Variants in TRRAP observed in about 807,000 individuals in gnomAD.
TRRAP encodes transformation/transcription domain-associated protein.
A neutral mutation model predicts 438.8 loss-of-function variants in TRRAP; 41 were observed. The ratio of observed to expected loss-of-function variants is 0.09; its 90% CI spans 0.07 to 0.12. The LOEUF is 0.12. Among genes scored for constraint, TRRAP ranks in the 10% least tolerant of loss-of-function variants. The probability of loss-of-function intolerance (pLI) is 1.00; values close to 1 mark genes in which losing one functional copy is unlikely to be tolerated. For missense variants in TRRAP, 3,122 were observed against 5,055.1 expected, an observed-to-expected ratio of 0.62 and a Z score of 11.60; for synonymous variants, 1,994 against 1,962.9, an observed-to-expected ratio of 1.02 and a Z score of -0.42.
chr7:99,005,142 G>A lies in TRRAP; in HGVS notation c.10547G>A (p.Arg3516Gln), dbSNP rs758671894. 8.1e-6 allele frequency: 13 copies of A among 1,613,478 alleles called. No individual in the cohort carries two copies. The highest frequency in any genetic ancestry group is 1.1e-5 in the South Asian group (1 of 91,068). The change falls in exon 69 of 73, where the codon CGG (arginine) becomes CAG (glutamine). Residue 3516 changes from arginine (R) to glutamine (Q), a missense_variant. By Grantham distance (43) the Arg-to-Gln change is conservative. Around this residue, in one of 24 missense-constraint regions of TRRAP, gnomAD observed 95 missense variants for 144.1 expected, o/e 0.66. Coordinates refer to ENST00000456197, the MANE Select transcript of TRRAP (RefSeq NM_001375524.1). The surrounding 1 kb of genome is among the most constrained non-coding windows in gnomAD (Gnocchi z 5.1). Reference protein sequence around the residue: ...YYIKIARFMPRVEIVQKHNTA... With the variant: ...YYIKIARFMPQVEIVQKHNTA... Reference sequence around the variant, plus strand: ...TCTCGCTCTGGCAGGTTCATGCCCCGGGTAGAGATTGTGCAGAAGCACAAC... The same window carrying A: ...TCTCGCTCTGGCAGGTTCATGCCCCAGGTAGAGATTGTGCAGAAGCACAAC...
chr7:98,923,007 C>T (rs1336540060), intron 21 of TRRAP, among the ~76,000 whole-genome samples: 4 of 152,112 alleles, frequency 2.6e-5, no homozygotes, highest in African/African-American at 7.2e-5. Flanking sequence ...GCCTGTCCCC[C>T]GCAACTTCCT....
In TRRAP at chr7:98,903,423, C is replaced by T. The variant is rs142775877; in HGVS notation, c.942C>T (p.Leu314=). Residue 314 remains leucine (L), a synonymous_variant, in exon 12 of 73, where the codon CTC becomes CTT. Coordinates refer to ENST00000456197, the MANE Select transcript of TRRAP (RefSeq NM_001375524.1). ...CTCAGCAGATGGTGAAAGGAATGCT[C>T]CAGTTACTTTCAAATTGTCCAGCAG... ...KYSQQMVKGM[L]QLLSNCPAET... 4 of 1,614,052 alleles carry T rather than the reference C, an allele frequency of 2.5e-6. No individual in the cohort carries two copies. Among genetic ancestry groups the T allele is most frequent in the East Asian group, 2.2e-5 (1 of 44,900 alleles).
rs202055249 is a variant in TRRAP at position 98,967,610 on chromosome 7, G to T, written c.7424G>T (p.Arg2475Leu). Residue 2475 changes from arginine to leucine, a missense_variant, in exon 51 of 73, where the codon CGT (arginine) becomes CTT (leucine). Physicochemically the swap from Arg to Leu is moderately radical, Grantham distance 102. Transcript: ENST00000456197. ...GAGGTTTTTGACAACTCCATGAAAC[G>T]TCGTGTCTACGAGCGCTTGCTCTAT... ...FFEVFDNSMKRRVYERLLYVT... is the reference protein window; with the variant it reads ...FFEVFDNSMKLRVYERLLYVT... The T allele has an allele frequency of 6.2e-7, 1 of 1,613,966 alleles. No individual in the cohort carries two copies. Among genetic ancestry groups the T allele is most frequent in the Non-Finnish European group, 8.5e-7 (1 of 1,180,040 alleles).
chr7:98,902,922 AAAAAG>A (rs1465178817), intron 11 of TRRAP, among the ~76,000 whole-genome samples: 2 of 151,652 alleles, frequency 1.3e-5, no homozygotes, highest in African/African-American at 4.8e-5. Flanking sequence ...AAAAAAAAAA[AAAAAG>A]AAAATTAGGC....
At chr7:99,001,218 TC>T (rs947746050) in intron 67 of TRRAP, among the ~76,000 whole-genome samples, 1 of 152,216 alleles carries the variant, frequency 6.6e-6, no homozygotes, top group Non-Finnish European at 1.5e-5. Flanking sequence ...AGCTCCCTGT[TC>T]GTGATGTGTG....
At chr7:99,008,657 C>T in intron 70 of TRRAP, 96 bp downstream of exon 70, 1 of 1,359,556 alleles carries the variant, frequency 7.4e-7, no homozygotes. Context: ...GATGAACAGG[C>T]ATTTGTTGGG....
In TRRAP at chr7:99,011,555, T is replaced by C. The variant is rs1482133182; in HGVS notation, c.11337+20T>C. 4.4e-6 allele frequency: 7 copies of C among 1,608,052 alleles called. No individual in the cohort carries two copies. Among genetic ancestry groups the C allele is most frequent in the Non-Finnish European group, 5.9e-6 (7 of 1,177,234 alleles). ...TTTAAGGTGGGTCTCCACGTCGTCC[T>C]ATCACAGGCGCAGGCTAGAGCCACT... On this transcript the variant is annotated intron_variant, in intron 72 of 72. Transcript: ENST00000456197. The surrounding 1 kb of genome is among the most constrained non-coding windows in gnomAD (Gnocchi z 7.1).
At position 98,984,217 on chromosome 7, in the gene TRRAP, G is replaced by A. The variant is rs759925825; in HGVS notation, c.9147G>A (p.Leu3049=). Residue 3049 remains leucine, a synonymous_variant, in exon 61 of 73, where the codon CTG becomes CTA. Coordinates refer to ENST00000456197, the MANE Select transcript of TRRAP (RefSeq NM_001375524.1). Reference sequence around the variant, plus strand: ...GAAAAATCGCCCGGAAACAAGGACTGGTCAATGTAGCTCTGGATATATTAA... The same window carrying A: ...GAAAAATCGCCCGGAAACAAGGACTAGTCAATGTAGCTCTGGATATATTAA... ...QYGKIARKQG[L]VNVALDILSR... The A allele has an allele frequency of 1.2e-6, 2 of 1,613,998 alleles. No homozygotes were observed. Among genetic ancestry groups the A allele is most frequent in the Non-Finnish European group, 1.7e-6 (2 of 1,180,016 alleles).
At chr7:98,966,174 C>T (rs942953817) in intron 49 of TRRAP, among the ~76,000 whole-genome samples, 3 of 151,452 alleles carry the variant, frequency 2.0e-5, no homozygotes, top group Non-Finnish European at 2.9e-5. Flanking sequence ...GGCATGGTGG[C>T]GGGCGCCTGC....
At chr7:98,924,988 G>C in intron 21 of TRRAP, 124 bp from the exon 22 acceptor site, 1 of 1,327,698 alleles carries the variant, frequency 7.5e-7, no homozygotes. Flanking sequence ...CCAGGCGACA[G>C]AGCGAGACTC....
At chr7:98,978,629 C>T (rs929178025) in intron 57 of TRRAP, 140 bp from the exon 58 acceptor site, 14 of 1,240,154 alleles carry the variant, frequency 1.1e-5, no homozygotes, top group Non-Finnish European at 1.6e-5. Flanking sequence ...AGCACACCTC[C>T]ATGTCCCACA....
intron 30 of TRRAP, 100 bp from the exon 31 acceptor site, chr7:98,942,849 C>T: frequency 7.7e-7 from 1 of 1,300,898 alleles, no homozygotes; most frequent in African/African-American, 1.5e-5. Flanking sequence ...CACTGCAGTT[C>T]TCACACTAAA....
chr7:98,885,301 T>C (rs1207098551), intron 3 of TRRAP, among the ~76,000 whole-genome samples: 1 of 151,830 alleles, frequency 6.6e-6, no homozygotes, highest in Admixed American at 6.6e-5. Context: ...CCCAGTCTGG[T>C]TGAACTCTGG....
intron 20 of TRRAP, 93 bp downstream of exon 20, chr7:98,917,772 T>G: frequency 6.7e-7 from 1 of 1,484,118 alleles, no homozygotes; most frequent in East Asian, 2.4e-5. Context: ...CTCTGCAAGA[T>G]GGACCAGTGC....
intron 45 of TRRAP, 104 bp downstream of exon 45, chr7:98,959,594 T>G: frequency 1.3e-6 from 2 of 1,486,964 alleles, no homozygotes; most frequent in Non-Finnish European, 1.8e-6. Context: ...CTGACCCTTA[T>G]GCCTAAACCC....
chr7:99,007,641 G>A (rs756588239), intron 69 of TRRAP, among the ~76,000 whole-genome samples: 1 of 151,176 alleles, frequency 6.6e-6, no homozygotes, highest in Non-Finnish European at 1.5e-5. Context: ...GAGCCACCAT[G>A]GCCAGCCATG....
At chr7:98,958,193 G>T (rs1554420320) in intron 44 of TRRAP, 102 bp downstream of exon 44, 6 of 995,886 alleles carry the variant, frequency 6.0e-6, no homozygotes, top group Non-Finnish European at 8.7e-6. Flanking sequence ...AAAAGATACA[G>T]ACAAACCAAG....
Position 99,005,464 on chromosome 7 carries a change from G to C in TRRAP, c.10753+116G>C, listed in dbSNP as rs144531979. ...CGTTAGCCTTTGAGGGTCCAGCTGC[G>C]TCAGCAGAGAATGTTGTAGTCTGTG... On this transcript the variant is annotated intron_variant, in intron 69 of 72. Coordinates refer to ENST00000456197, the MANE Select transcript of TRRAP (RefSeq NM_001375524.1). The surrounding 1 kb of genome is among the most constrained non-coding windows in gnomAD (Gnocchi z 5.1). 1 of 967,212 alleles carries C rather than the reference G, an allele frequency of 1.0e-6. No homozygotes were observed. The highest frequency in any genetic ancestry group is 2.4e-5 in the East Asian group (1 of 40,836). The allele number at this position is 967,212 out of a possible 1,614,324, so 59.9% of individuals were successfully genotyped here.
chr7:98,994,887 G>A lies in TRRAP; in HGVS notation c.10309+39G>A. On this transcript the variant is annotated intron_variant, in intron 67 of 72. Transcript: ENST00000456197. The surrounding 1 kb of genome is among the most constrained non-coding windows in gnomAD (Gnocchi z 4.8). Reference sequence around the variant, plus strand: ...TTCCTTCCCTTCCATAGGGAGAATTGTGCACGCTGATTTCCTCCGGCTTTA... The same window carrying A: ...TTCCTTCCCTTCCATAGGGAGAATTATGCACGCTGATTTCCTCCGGCTTTA... The A allele has an allele frequency of 1.3e-6, 2 of 1,599,966 alleles. No individual in the cohort carries two copies. The highest frequency in any genetic ancestry group is 1.7e-6 in the Non-Finnish European group (2 of 1,170,660).
Sources: allele counts gnomAD v4.1 joint callset (sites outside exome capture counted in the v4.1 genomes callset), GRCh38; gene constraint gnomAD v4.1.1; regional missense constraint gnomAD v4.1.1; non-coding constraint Gnocchi (gnomAD v3.1); transcripts MANE v1.5; gene names NCBI Gene and HGNC (gene_info 2026-07-23, HGNC 2026-07-21).